NT5DC1: variants seen among roughly 807,000 people sequenced by gnomAD.
NT5DC1 encodes 5'-nucleotidase domain-containing protein 1.
Under a neutral mutation model 59.4 loss-of-function variants are expected in NT5DC1, and 42 were observed. The observed-to-expected ratio is 0.71, with a 90% confidence interval of 0.55 to 0.92. NT5DC1 has a LOEUF of 0.92. NT5DC1 is among the 40% of genes least tolerant of loss of function. NT5DC1 has a pLI of 0.00. For missense variants in NT5DC1, 501 were observed against 537.1 expected (o/e 0.93, Z 0.66); for synonymous variants, 172 against 188.1 (o/e 0.91, Z 0.70).
intron 6 of NT5DC1, among the ~76,000 whole-genome samples, chr6:116,156,721 T>C (rs1047077960): frequency 1.3e-5 from 2 of 152,226 alleles, no homozygotes; most frequent in African/African-American, 2.4e-5. Flanking sequence ...TATTTGCTTT[T>C]AAATTTCAGC....
intron 6 of NT5DC1, among the ~76,000 whole-genome samples, chr6:116,178,106 C>CGT (rs141400633): frequency 0.038 from 4,968 of 130,728 alleles, 326 homozygotes; most frequent in African/African-American, 0.14. Context: ...CGCGCGCGTG[C>CGT]GTGCGTGTGT....
At chr6:116,236,056 G>A (rs1782108273) in intron 8 of NT5DC1, among the ~76,000 whole-genome samples, 1 of 152,118 alleles carries the variant, frequency 6.6e-6, no homozygotes, top group African/African-American at 2.4e-5. Context: ...ATCCAGCATA[G>A]GATTGTATCT....
At chr6:116,152,384 C>T (rs1780064681) in intron 6 of NT5DC1, among the ~76,000 whole-genome samples, 1 of 152,006 alleles carries the variant, frequency 6.6e-6, no homozygotes, top group African/African-American at 2.4e-5. Flanking sequence ...AGGTAGATTC[C>T]CTTGCCTCTT....
chr6:116,204,771 A>G (rs1781416891), intron 6 of NT5DC1, among the ~76,000 whole-genome samples: 2 of 152,002 alleles, frequency 1.3e-5, no homozygotes, highest in Non-Finnish European at 2.9e-5. Flanking sequence ...TCTAGAATGT[A>G]AGGTCTATGA....
At chr6:116,151,702 C>T (rs1419820290) in intron 6 of NT5DC1, among the ~76,000 whole-genome samples, 1 of 151,982 alleles carries the variant, frequency 6.6e-6, no homozygotes, top group African/African-American at 2.4e-5. Context: ...TTTCTCTTTC[C>T]CACTTATAAT....
Position 116,247,849 on chromosome 6 carries a change from A to G in NT5DC1, c.*3825A>G, listed in dbSNP as rs1771878176. The G allele has an allele frequency of 6.6e-6, 1 of 152,212 alleles. No homozygotes were observed. Among genetic ancestry groups the G allele is most frequent in the African/African-American group, 2.4e-5 (1 of 41,462 alleles). The allele number at this position is 152,212 out of a possible 1,614,324, so 9.4% of individuals were successfully genotyped here. ...AACAGAAATGTCAGCGGTTACTTAC[A>G]ATGCTTAGCAGCTAAATTCCATGAG... On this transcript the variant is annotated 3_prime_UTR_variant, in exon 12 of 12. Transcript: ENST00000319550.
intron 6 of NT5DC1, among the ~76,000 whole-genome samples, chr6:116,156,501 A>C (rs1780197897): frequency 6.6e-6 from 1 of 152,230 alleles, no homozygotes; most frequent in Non-Finnish European, 1.5e-5. Flanking sequence ...AGTAAAAAGG[A>C]ATGCGTCTTA....
At chr6:116,145,982 A>G (rs935487177) in intron 6 of NT5DC1, among the ~76,000 whole-genome samples, 2 of 152,146 alleles carry the variant, frequency 1.3e-5, no homozygotes, top group African/African-American at 2.4e-5. Context: ...CCAGGCAGAA[A>G]TCTTTCCTTA....
At chr6:116,151,613 T>C (rs1780040718) in intron 6 of NT5DC1, among the ~76,000 whole-genome samples, 1 of 152,234 alleles carries the variant, frequency 6.6e-6, no homozygotes, top group South Asian at 2.1e-4. Context: ...GAGAATGCAG[T>C]ACATGCAAAT....
chr6:116,142,995 A>G (rs1779802870), intron 6 of NT5DC1, among the ~76,000 whole-genome samples: 1 of 152,166 alleles, frequency 6.6e-6, no homozygotes, highest in South Asian at 2.1e-4. Flanking sequence ...AATTATAGAC[A>G]TTATGGTTTG....
At chr6:116,146,464 A>G (rs1417075089) in intron 6 of NT5DC1, among the ~76,000 whole-genome samples, 2 of 152,212 alleles carry the variant, frequency 1.3e-5, no homozygotes, top group East Asian at 3.8e-4. Context: ...AAAATGGGGG[A>G]AAGAAATCCC....
intron 8 of NT5DC1, among the ~76,000 whole-genome samples, chr6:116,229,803 C>G (rs545519749): frequency 1.4e-4 from 21 of 152,158 alleles, no homozygotes; most frequent in Non-Finnish European, 2.6e-4. Flanking sequence ...CTCTCTCTCT[C>G]TCTGTCTCGT....
chr6:116,132,725 T>G (rs1041306808), intron 6 of NT5DC1, among the ~76,000 whole-genome samples: 2 of 152,158 alleles, frequency 1.3e-5, no homozygotes, highest in African/African-American at 4.8e-5. Flanking sequence ...GCTAATGTGT[T>G]CACCCCCTGT....
intron 8 of NT5DC1, among the ~76,000 whole-genome samples, chr6:116,234,503 T>C (rs1782079815): frequency 6.6e-6 from 1 of 151,424 alleles, no homozygotes; most frequent in South Asian, 2.1e-4. Flanking sequence ...CCATACCCAG[T>C]GAATTTGTGT....
intron 6 of NT5DC1, among the ~76,000 whole-genome samples, chr6:116,130,086 AATG>A (rs1439080016): frequency 1.1e-4 from 16 of 152,272 alleles, no homozygotes; most frequent in African/African-American, 2.6e-4. Context: ...TAGGTTATAA[AATG>A]ATGATATTCT....
chr6:116,173,485 TTTAGAGCAGAGAG>T (rs1780660066), intron 6 of NT5DC1, among the ~76,000 whole-genome samples: 2 of 152,076 alleles, frequency 1.3e-5, no homozygotes, highest in African/African-American at 4.8e-5. Flanking sequence ...TGTCAGTCCC[TTTAGAGCAGAGAG>T]CTTCATTCAC....
chr6:116,120,936 G>C, intron 6 of NT5DC1: 2 of 1,613,916 alleles, frequency 1.2e-6, no homozygotes, highest in Non-Finnish European at 1.7e-6. Context: ...TCGAGACCTG[G>C]TTTTCCTGGG....
chr6:116,209,819 C>G (rs9481613), intron 6 of NT5DC1, among the ~76,000 whole-genome samples: 3,796 of 151,902 alleles, frequency 0.025, 145 homozygotes, highest in African/African-American at 0.085. Context: ...TAATTATTAT[C>G]CAATAATTAT....
In NT5DC1 at chr6:116,133,663, G is replaced by GGGC. The variant is rs567043938; in HGVS notation, c.529+15718_529+15719insGGC. Among the ~76,000 whole-genome samples, 395 of 152,012 alleles carry GGGC rather than the reference G, an allele frequency of 2.6e-3. 10 individuals carry two copies. The South Asian group carries it at 0.043, about 17-fold the overall frequency. ...GTAATGCTGGGCCCTTGTCTGTTTA[G>GGGC]CCATTGATCAAATAATTGTGTTACC... On this transcript the variant is annotated intron_variant, in intron 6 of 11. Transcript: ENST00000319550.
Sources: allele counts gnomAD v4.1 joint callset (sites outside exome capture counted in the v4.1 genomes callset), GRCh38; gene constraint gnomAD v4.1.1; transcripts MANE v1.5; gene names NCBI Gene and HGNC (gene_info 2026-07-23, HGNC 2026-07-21).